The following MAML2 variants were observed in gnomAD, a reference collection of about 807,000 sequenced individuals.
MAML2 encodes the protein mastermind-like protein 2.
In MAML2, 22 loss-of-function variants were observed where a neutral mutation model predicts 96.1. The observed-to-expected ratio is 0.23, with a 90% CI of 0.16 to 0.33. MAML2 has a LOEUF of 0.33. Ranked by LOEUF, MAML2 falls within the 10% of genes least tolerant of loss-of-function variation. The pLI is 1.00. For synonymous variants in MAML2, 561 were observed against 521.3 expected, an observed-to-expected ratio of 1.08 and a Z score of -1.04; for missense variants, 1,367 against 1,392.4, an observed-to-expected ratio of 0.98 and a Z score of 0.29.
chr11:95,992,454 G>C (rs1321063652), intron 2 of MAML2, among the ~76,000 whole-genome samples: 1 of 152,082 alleles, frequency 6.6e-6, no homozygotes, highest in Non-Finnish European at 1.5e-5. Context: ...CAATTTTTTG[G>C]CATTGACAGA....
intron 1 of MAML2, among the ~76,000 whole-genome samples, chr11:96,177,189 A>G (rs1403796691): frequency 2.0e-5 from 3 of 152,198 alleles, no homozygotes; most frequent in African/African-American, 4.8e-5. Flanking sequence ...CCCAAACTGC[A>G]TGGTGTTCTC....
intron 1 of MAML2, among the ~76,000 whole-genome samples, chr11:96,101,230 T>C (rs1404649228): frequency 6.6e-6 from 1 of 152,212 alleles, no homozygotes; most frequent in Non-Finnish European, 1.5e-5. Context: ...TTAGATTTAA[T>C]GGTTGGCTTG....
At chr11:96,312,573 TG>T (rs1565280898) in intron 1 of MAML2, among the ~76,000 whole-genome samples, 1 of 152,220 alleles carries the variant, frequency 6.6e-6, no homozygotes, top group Admixed American at 6.5e-5. Context: ...GAACAATAGT[TG>T]TTTGACAATA....
chr11:96,016,138 C>T (rs1020404354), intron 2 of MAML2, among the ~76,000 whole-genome samples: 7 of 151,900 alleles, frequency 4.6e-5, no homozygotes, highest in African/African-American at 9.7e-5. Flanking sequence ...TCAAGAAATC[C>T]GATTGGGTCT....
chr11:96,011,487 T>C (rs1417036057), intron 2 of MAML2, among the ~76,000 whole-genome samples: 2 of 152,140 alleles, frequency 1.3e-5, no homozygotes, highest in Non-Finnish European at 2.9e-5. Context: ...AAATACCATA[T>C]GTTCTCACTT....
intron 1 of MAML2, among the ~76,000 whole-genome samples, chr11:96,179,403 T>C (rs1443387761): frequency 6.6e-6 from 1 of 152,186 alleles, no homozygotes; most frequent in Non-Finnish European, 1.5e-5. Context: ...TACCTTCCAG[T>C]CCTTCCTTAT....
chr11:96,298,918 G>T (rs1488490431), intron 1 of MAML2, among the ~76,000 whole-genome samples: 1 of 146,106 alleles, frequency 6.8e-6, no homozygotes, highest in East Asian at 2.0e-4. Context: ...GGTGGCGGGC[G>T]CCTGTAGTCC....
intron 2 of MAML2, among the ~76,000 whole-genome samples, chr11:96,084,265 A>C (rs555780126): frequency 6.6e-6 from 1 of 152,246 alleles, no homozygotes; most frequent in African/African-American, 2.4e-5. Flanking sequence ...ATGGAGTTGG[A>C]CTTTCTCCTG....
chr11:95,981,670 T>G lies in MAML2; in HGVS notation c.2456-1707A>C, dbSNP rs1020529227. Among the ~76,000 whole-genome samples, 4 of 152,298 alleles carry G rather than the reference T, an allele frequency of 2.6e-5. No homozygotes were observed. The South Asian group carries it at 8.3e-4, about 32-fold the overall frequency. On this transcript the variant is annotated intron_variant, in intron 4 of 4. Coordinates refer to ENST00000524717, the MANE Select transcript of MAML2 (RefSeq NM_032427.4). ...CTTGTATCTCCTTGTATCTGTGTAG[T>G]GCATTGTGTAGTGGGCAGTGTTTGA... is the stretch of plus-strand genomic sequence containing the variant.
rs554872621 is a variant in MAML2 at position 96,168,338 on chromosome 11, G to A, written c.514-74821C>T. Among the ~76,000 whole-genome samples, 64 of 152,230 alleles carry A rather than the reference G, an allele frequency of 4.2e-4. 1 individual carries two copies. The highest frequency in any genetic ancestry group is 1.5e-3 in the African/African-American group (63 of 41,516). ...TCAATAAAAGCTGACTGAATTAGTA[G>A]ATAGATATTATTTAAATGTAAGATC... On this transcript the variant is annotated intron_variant, in intron 1 of 4. Coordinates refer to ENST00000524717, the MANE Select transcript of MAML2 (RefSeq NM_032427.4).
chr11:95,993,084 A>AT (rs146596429), intron 2 of MAML2, among the ~76,000 whole-genome samples: 13,900 of 151,066 alleles, frequency 0.092, 825 homozygotes, highest in East Asian at 0.28. Flanking sequence ...TAATTTTTAA[A>AT]TTTTTTTTAG....
chr11:96,117,030 G>A (rs1860256031), intron 1 of MAML2, among the ~76,000 whole-genome samples: 1 of 152,128 alleles, frequency 6.6e-6, no homozygotes, highest in South Asian at 2.1e-4. Flanking sequence ...TCTCCAGAAG[G>A]TAAATCCCAG....
chr11:96,077,412 G>A (rs1859459688), intron 2 of MAML2, among the ~76,000 whole-genome samples: 1 of 151,518 alleles, frequency 6.6e-6, no homozygotes, highest in African/African-American at 2.4e-5. Flanking sequence ...GTAGAGACAG[G>A]GTTTCACTAT....
chr11:96,205,616 A>G (rs1367770398), intron 1 of MAML2, among the ~76,000 whole-genome samples: 1 of 152,166 alleles, frequency 6.6e-6, no homozygotes, highest in Admixed American at 6.5e-5. Context: ...CTTAAACTAG[A>G]GCCTATGTAG....
At chr11:96,224,710 T>A (rs1208867731) in intron 1 of MAML2, among the ~76,000 whole-genome samples, 2 of 152,226 alleles carry the variant, frequency 1.3e-5, no homozygotes, top group Admixed American at 1.3e-4. Flanking sequence ...TGCATAAGTG[T>A]ATCCCCTTCC....
At chr11:96,224,224 A>T (rs185363131) in intron 1 of MAML2, among the ~76,000 whole-genome samples, 1 of 152,354 alleles carries the variant, frequency 6.6e-6, no homozygotes, top group East Asian at 1.9e-4. Context: ...ATAAATAGTT[A>T]TTAGTAGTAC....
chr11:96,131,040 A>T (rs887533612), intron 1 of MAML2, among the ~76,000 whole-genome samples: 3 of 152,208 alleles, frequency 2.0e-5, no homozygotes, highest in Admixed American at 2.0e-4. Context: ...ATCTGTAGCG[A>T]GAGTAATCAC....
At chr11:96,002,589 G>T (rs1440722298) in intron 2 of MAML2, among the ~76,000 whole-genome samples, 1 of 151,910 alleles carries the variant, frequency 6.6e-6, no homozygotes, top group Non-Finnish European at 1.5e-5. Flanking sequence ...TGATGACAGG[G>T]ATGATGAGGA....
intron 1 of MAML2, among the ~76,000 whole-genome samples, chr11:96,109,859 T>A (rs1860089372): frequency 6.6e-6 from 1 of 152,126 alleles, no homozygotes; most frequent in Non-Finnish European, 1.5e-5. Context: ...GCAGATTGGG[T>A]TGAAATGCAC....
Sources: gnomAD v4.1 joint callset for allele counts (sites outside exome capture counted in the v4.1 genomes callset) on GRCh38, gnomAD v4.1.1 for gene constraint, MANE v1.5 for transcripts, NCBI Gene and HGNC (gene_info 2026-07-23, HGNC 2026-07-21) for gene names.